TNFRSF14: variants seen among roughly 807,000 people sequenced by gnomAD.
TNFRSF14 encodes tumor necrosis factor receptor superfamily member 14.
Under a neutral mutation model 34.1 loss-of-function variants are expected in TNFRSF14, and 18 were observed. The observed-to-expected ratio is 0.53, with a 90% CI of 0.36 to 0.78. The LOEUF (loss-of-function observed/expected upper bound fraction) is 0.78. TNFRSF14 is among the 30% of genes least tolerant of loss of function. TNFRSF14 has a pLI of 0.00. For missense variants in TNFRSF14, 352 were observed against 379.5 expected (o/e 0.93, Z 0.60); for synonymous variants, 157 against 153.2 (o/e 1.02, Z -0.18).
In TNFRSF14 at chr1:2,563,263, CA is replaced by C. The variant is rs1168150998; in HGVS notation, c.845del (p.Asn282ThrfsTer20). The C allele has an allele frequency of 1.2e-6, 2 of 1,613,478 alleles. No homozygotes were observed. The highest frequency in any genetic ancestry group is 1.7e-5 in the Admixed American group (1 of 60,020). ...ETIPSFTGRS[P>X]NH ...ATACCCTCATTCACGGGGAGGAGCC[CA>C]AACCACTGACCCACAGACTCTGCAC... On this transcript the variant is annotated frameshift_variant, in exon 8 of 8. Transcript: ENST00000355716. LOFTEE classifies it high-confidence loss of function.
At chr1:2,558,316 G>T in intron 2 of TNFRSF14, 27 bp from the exon 3 acceptor site, 1 of 1,587,496 alleles carries the variant, frequency 6.3e-7, no homozygotes, top group Non-Finnish European at 8.6e-7. Flanking sequence ...CCGCAGACTT[G>T]CGAAGTTCCC....
At chr1:2,559,631 C>T (rs1207687264) in intron 3 of TNFRSF14, 192 bp from the exon 4 acceptor site, 1 of 1,534,706 alleles carries the variant, frequency 6.5e-7, no homozygotes, top group Non-Finnish European at 8.7e-7. Flanking sequence ...CGCAGCTCTG[C>T]CGTCCCTTGG....
At chr1:2,556,874 C>T (rs1644223460) in intron 1 of TNFRSF14, 141 bp downstream of exon 1, 9 of 827,834 alleles carry the variant, frequency 1.1e-5, no homozygotes, top group African/African-American at 3.5e-5. Flanking sequence ...CTGGGGCTCT[C>T]GGGTCAACCC....
chr1:2,563,056 C>G, intron 7 of TNFRSF14, 92 bp from the exon 8 acceptor site: 1 of 1,592,304 alleles, frequency 6.3e-7, no homozygotes. Context: ...AGAACCCACC[C>G]CCTCAAACTG....
chr1:2,563,324 G>A lies in TNFRSF14; in HGVS notation c.*51G>A. 6.2e-7 allele frequency: 1 copy of A among 1,601,652 alleles called. No homozygotes were observed. Among genetic ancestry groups the A allele is most frequent in the Non-Finnish European group, 8.5e-7 (1 of 1,171,652 alleles). On this transcript the variant is annotated 3_prime_UTR_variant, in exon 8 of 8. Coordinates refer to ENST00000355716, the MANE Select transcript of TNFRSF14 (RefSeq NM_003820.4). ...AGAGATACCTGGAGCGACGGCTGCTGAAAGAGGCTGTCCACCTGGCGGAAC... is the reference window on the plus strand; with the variant it reads ...AGAGATACCTGGAGCGACGGCTGCTAAAAGAGGCTGTCCACCTGGCGGAAC...
intron 7 of TNFRSF14, 54 bp downstream of exon 7, chr1:2,562,950 T>C (rs1358615959): frequency 1.2e-4 from 158 of 1,314,360 alleles, no homozygotes; most frequent in Non-Finnish European, 1.5e-4. Context: ...ACCTCCCCTC[T>C]CCCCGCTGGG....
chr1:2,556,116 T>C (rs11573965), upstream of TNFRSF14: 1,199 of 358,212 alleles, frequency 3.3e-3, 11 homozygotes, highest in African/African-American at 0.023. Context: ...CCAGACCGCA[T>C]TCTGGTGGTT....
chr1:2,563,028 G>GC (rs1644333460), intron 7 of TNFRSF14, 120 bp from the exon 8 acceptor site: 1 of 1,568,490 alleles, frequency 6.4e-7, no homozygotes, highest in Non-Finnish European at 8.7e-7. Flanking sequence ...TTCAAGTACA[G>GC]CCACGGTAGC....
chr1:2,554,262 A>T (rs1001834895), upstream of TNFRSF14: 1 of 152,964 alleles, frequency 6.5e-6, no homozygotes, highest in East Asian at 1.9e-4. This position sits in a 1 kb window ranked among gnomAD's most constrained non-coding sequence, Gnocchi z 4.2. Flanking sequence ...GGTCCTGCAC[A>T]GGGCCTGGCG....
chr1:2,562,794 A>T (rs2100863686), intron 6 of TNFRSF14, 71 bp from the exon 7 acceptor site: 2 of 1,593,686 alleles, frequency 1.3e-6, no homozygotes, highest in Non-Finnish European at 8.6e-7. Flanking sequence ...CCGCTGTGAG[A>T]CCATTGCCAT....
chr1:2,556,878 T>G, intron 1 of TNFRSF14, 145 bp downstream of exon 1: 1 of 803,726 alleles, frequency 1.2e-6, no homozygotes, highest in Non-Finnish European at 1.9e-6. Context: ...GGCTCTCGGG[T>G]CAACCCAGAC....
chr1:2,563,469 C>A lies in TNFRSF14; in HGVS notation c.*196C>A, dbSNP rs1162436938. 24 of 802,720 alleles carry A rather than the reference C, an allele frequency of 3.0e-5. No individual in the cohort carries two copies. In the South Asian group the frequency reaches 3.9e-4, roughly 13 times the overall value. 49.7% of individuals were successfully genotyped at this position (802,720 alleles called of 1,614,324 possible). ...GGACGCCACGTGCCATTCCCATGGG[C>A]CAGTGAGGGCCTGGGGCCTCTGTTC... On this transcript the variant is annotated 3_prime_UTR_variant, in exon 8 of 8. Coordinates refer to ENST00000355716, the MANE Select transcript of TNFRSF14 (RefSeq NM_003820.4).
At position 2,559,988 on chromosome 1, in the gene TNFRSF14, G is replaced by A. The variant is rs1644284427; in HGVS notation, c.460+10G>A. 1.3e-6 allele frequency: 2 copies of A among 1,536,944 alleles called. No homozygotes were observed. Among genetic ancestry groups the A allele is most frequent in the Non-Finnish European group, 1.8e-6 (2 of 1,137,558 alleles). ...AGGGTGCAGAAGGGAGGTAAGCGGTGGGTGGCGGACACCCCTCCCATTTCC... is the reference window on the plus strand; with the variant it reads ...AGGGTGCAGAAGGGAGGTAAGCGGTAGGTGGCGGACACCCCTCCCATTTCC... On this transcript the variant is annotated intron_variant, in intron 4 of 7. Transcript: ENST00000355716.
At chr1:2,559,098 G>C in intron 3 of TNFRSF14, 2 of 1,367,342 alleles carry the variant, frequency 1.5e-6, no homozygotes, top group Non-Finnish European at 1.9e-6. Flanking sequence ...TGCACCTGCG[G>C]GACAGGGCTG....
At chr1:2,558,267 G>A in intron 2 of TNFRSF14, 76 bp from the exon 3 acceptor site, 1 of 1,529,734 alleles carries the variant, frequency 6.5e-7, no homozygotes, top group Non-Finnish European at 8.7e-7. Context: ...TGGGCTCTGG[G>A]CGCGGGTGGA....
At chr1:2,555,113 T>C (rs1467664928), upstream of TNFRSF14, 1 of 152,186 alleles carries the variant, frequency 6.6e-6, no homozygotes, top group African/African-American at 2.4e-5. The surrounding 1 kb of genome is among the most constrained non-coding windows in gnomAD (Gnocchi z 6.3). Flanking sequence ...TGGGAGTCCA[T>C]GCTCCTGCGT....
In TNFRSF14 at chr1:2,556,587, G is replaced by A. The variant is rs780530671; in HGVS notation, c.-78G>A. On this transcript the variant is annotated 5_prime_UTR_variant, in exon 1 of 8. Transcript: ENST00000355716. ...TCTCTTTCTCTTCTGGCCCACAGCCGCAGCAATGGCGCTGAGTTCCTCTGC... is the reference window on the plus strand; with the variant it reads ...TCTCTTTCTCTTCTGGCCCACAGCCACAGCAATGGCGCTGAGTTCCTCTGC... 102 of 1,373,254 alleles carry A rather than the reference G, an allele frequency of 7.4e-5. No individual in the cohort carries two copies. The highest frequency in any genetic ancestry group is 9.8e-5 in the Non-Finnish European group (96 of 979,044). 85.1% of individuals were successfully genotyped at this position (1,373,254 alleles called of 1,614,324 possible).
chr1:2,558,785 C>T (rs1644259098), intron 3 of TNFRSF14: 1 of 1,317,534 alleles, frequency 7.6e-7, no homozygotes, highest in Non-Finnish European at 9.9e-7. Flanking sequence ...GCCCACGTCC[C>T]TAGCTGCAAA....
chr1:2,560,571 C>A, intron 4 of TNFRSF14, 53 bp from the exon 5 acceptor site: 1 of 1,418,158 alleles, frequency 7.1e-7, no homozygotes, highest in Non-Finnish European at 9.8e-7. Flanking sequence ...TAGCCGCCAG[C>A]CCCCTCCTGG....
Sources: gnomAD v4.1 joint callset for allele counts on GRCh38, gnomAD v4.1.1 for gene constraint, Gnocchi (gnomAD v3.1) non-coding constraint, MANE v1.5 for transcripts, NCBI Gene and HGNC (gene_info 2026-07-23, HGNC 2026-07-21) for gene names.